Variants in ST6GAL1 observed in about 807,000 individuals in gnomAD.
ST6GAL1 encodes ST6 beta-galactoside alpha-2,6-sialyltransferase 1.
In ST6GAL1, 20 loss-of-function variants were observed where a neutral mutation model predicts 38.0. That is an observed-to-expected ratio of 0.53 (90% CI 0.37 to 0.77). The LOEUF (loss-of-function observed/expected upper bound fraction) is 0.77. ST6GAL1 is among the 30% of genes least tolerant of loss of function. The pLI is 0.00. For missense variants in ST6GAL1, 432 were observed against 496.4 expected (o/e 0.87, Z 1.23); for synonymous variants, 196 against 188.2 (o/e 1.04, Z -0.34).
intron 2 of ST6GAL1, among the ~76,000 whole-genome samples, chr3:187,021,326 A>G (rs1405609597): frequency 1.3e-5 from 2 of 152,218 alleles, no homozygotes; most frequent in Non-Finnish European, 2.9e-5. Flanking sequence ...CAGTCTTGCT[A>G]GAATGCTGGG....
intron 5 of ST6GAL1, among the ~76,000 whole-genome samples, chr3:187,056,107 T>C (rs556055480): frequency 6.6e-6 from 1 of 152,330 alleles, no homozygotes; most frequent in South Asian, 2.1e-4. Context: ...AAGTCTGTTT[T>C]ATCAGAGACT....
intron 2 of ST6GAL1, among the ~76,000 whole-genome samples, chr3:187,004,620 C>T (rs769495902): frequency 6.6e-6 from 1 of 152,192 alleles, no homozygotes; most frequent in Non-Finnish European, 1.5e-5. Context: ...TTAGCTTATA[C>T]GGCACTTTCG....
At chr3:187,032,007 A>G (rs79044493) in intron 2 of ST6GAL1, among the ~76,000 whole-genome samples, 5,332 of 152,240 alleles carry the variant, frequency 0.035, 335 homozygotes, top group African/African-American at 0.12. Context: ...CAGGATTGCT[A>G]AAGTTTCTCA....
intron 1 of ST6GAL1, chr3:186,931,314 G>C (rs1981767): frequency 6.6e-6 from 1 of 152,236 alleles, no homozygotes; most frequent in African/African-American, 2.4e-5. Context: ...CTGCGGTGCC[G>C]GGCCATTGTC....
chr3:186,962,988 G>A (rs1337020959), intron 1 of ST6GAL1, among the ~76,000 whole-genome samples: 1 of 152,084 alleles, frequency 6.6e-6, no homozygotes, highest in African/African-American at 2.4e-5. Flanking sequence ...CAAGAAACAG[G>A]TAGAGTATGT....
At chr3:186,984,814 T>C (rs866747040) in intron 2 of ST6GAL1, among the ~76,000 whole-genome samples, 1 of 42,744 alleles carries the variant, frequency 2.3e-5, no homozygotes, top group Non-Finnish European at 4.7e-5. Context: ...CATCCTTCCT[T>C]CCTTCCTTCC....
chr3:187,024,501 G>T (rs868127488), intron 2 of ST6GAL1, among the ~76,000 whole-genome samples: 5,540 of 127,360 alleles, frequency 0.043, 128 homozygotes, highest in African/African-American at 0.086. Flanking sequence ...TATAGAGAGA[G>T]AGAGAGAGAG....
At chr3:186,987,196 G>GAAGGAGGGAGGGA (rs59834484) in intron 2 of ST6GAL1, among the ~76,000 whole-genome samples, 28 of 100,456 alleles carry the variant, frequency 2.8e-4, no homozygotes, top group Admixed American at 5.4e-4. Flanking sequence ...GGGAGGGAGG[G>GAAGGAGGGAGGGA]AGGGAAGGAA....
intron 1 of ST6GAL1, among the ~76,000 whole-genome samples, chr3:186,946,571 C>A (rs1276002191): frequency 1.3e-5 from 2 of 151,966 alleles, no homozygotes; most frequent in Non-Finnish European, 2.9e-5. Flanking sequence ...TAAAGCAATC[C>A]CCATCTATCC....
At chr3:186,947,966 A>G (rs1026766291) in intron 1 of ST6GAL1, among the ~76,000 whole-genome samples, 4 of 152,250 alleles carry the variant, frequency 2.6e-5, no homozygotes, top group African/African-American at 7.2e-5. Context: ...AACCTGGTCA[A>G]CAGGCAAGAA....
At chr3:187,001,232 A>G (rs1716606500) in intron 2 of ST6GAL1, among the ~76,000 whole-genome samples, 1 of 152,224 alleles carries the variant, frequency 6.6e-6, no homozygotes. Context: ...GAGGAAAGGG[A>G]TGACCTGCAT....
intron 2 of ST6GAL1, among the ~76,000 whole-genome samples, chr3:187,037,525 C>T (rs1446754657): frequency 1.3e-5 from 2 of 152,028 alleles, no homozygotes; most frequent in African/African-American, 4.8e-5. Context: ...TTGCTATTTT[C>T]CTACATCGCA....
chr3:187,069,021 T>C (rs1297096394), intron 5 of ST6GAL1, among the ~76,000 whole-genome samples: 1 of 152,220 alleles, frequency 6.6e-6, no homozygotes, highest in Non-Finnish European at 1.5e-5. Context: ...GTTACAACGT[T>C]CCCAGTGGAA....
chr3:186,960,117 G>C (rs1714884414), intron 1 of ST6GAL1, among the ~76,000 whole-genome samples: 1 of 152,200 alleles, frequency 6.6e-6, no homozygotes, highest in Non-Finnish European at 1.5e-5. Context: ...CCAAATCCTG[G>C]TTCTGGGTCT....
chr3:186,987,200 G>GAACGA (rs1553821934), intron 2 of ST6GAL1, among the ~76,000 whole-genome samples: 1 of 138,658 alleles, frequency 7.2e-6, no homozygotes, highest in African/African-American at 2.7e-5. Flanking sequence ...GGGAGGGAGG[G>GAACGA]AAGGAAAGAA....
At chr3:186,950,921 T>A (rs1246589105) in intron 1 of ST6GAL1, among the ~76,000 whole-genome samples, 1 of 152,242 alleles carries the variant, frequency 6.6e-6, no homozygotes, top group Non-Finnish European at 1.5e-5. Flanking sequence ...TACTGAACTC[T>A]TACCATGTCT....
In ST6GAL1 at chr3:186,976,772, A is replaced by C. The variant is rs143694369; in HGVS notation, c.-183+12846A>C. Among the ~76,000 whole-genome samples, 167 of 152,122 alleles carry C rather than the reference A, an allele frequency of 1.1e-3. 1 individual carries two copies. The highest frequency in any genetic ancestry group is 3.7e-3 in the African/African-American group (153 of 41,500). The stretch of plus-strand genomic sequence containing the variant: ...CTTTCAAAGTAGGTGTCATTACCCT[A>C]TTTTCCTGATGAAGAAATAGAGGCT... On this transcript the variant is annotated intron_variant, in intron 2 of 7. Transcript: ENST00000169298.
chr3:186,988,616 G>C (rs927658874), intron 2 of ST6GAL1, among the ~76,000 whole-genome samples: 1 of 151,610 alleles, frequency 6.6e-6, no homozygotes, highest in Non-Finnish European at 1.5e-5. Flanking sequence ...ATTAGGACTT[G>C]TAAGAAAAGT....
At chr3:187,063,999 G>A (rs1201744374) in intron 5 of ST6GAL1, among the ~76,000 whole-genome samples, 10 of 152,056 alleles carry the variant, frequency 6.6e-5, no homozygotes, top group Non-Finnish European at 1.2e-4. Context: ...TAGTAGCGAT[G>A]GGCACTACTG....
Sources: allele counts gnomAD v4.1 joint callset (sites outside exome capture counted in the v4.1 genomes callset), GRCh38; gene constraint gnomAD v4.1.1; transcripts MANE v1.5; gene names NCBI Gene and HGNC (gene_info 2026-07-23, HGNC 2026-07-21).